The following MYH15 variants were observed in gnomAD, a reference collection of about 807,000 sequenced individuals.
MYH15 encodes the protein myosin-15.
In MYH15, 227 loss-of-function variants were observed where a neutral mutation model predicts 240.5. That is an observed-to-expected ratio of 0.94 (90% CI 0.85 to 1.05). The LOEUF (loss-of-function observed/expected upper bound fraction) is 1.05, where lower values mean the gene tolerates loss of function less well. MYH15 is among the 50% of genes least tolerant of loss of function. MYH15 has a pLI of 0.00. For synonymous variants in MYH15, 785 were observed against 796.7 expected (o/e 0.99, Z 0.25); for missense variants, 2,217 against 2,247.5 (o/e 0.99, Z 0.27).
intron 33 of MYH15, among the ~76,000 whole-genome samples, chr3:108,401,590 A>G (rs915210336): frequency 6.6e-6 from 1 of 152,236 alleles, no homozygotes; most frequent in Admixed American, 6.5e-5. Flanking sequence ...CTACATTGGG[A>G]AACTCTCATT....
At position 108,428,814 on chromosome 3, in the gene MYH15, T is replaced by G. The variant is rs2082750626; in HGVS notation, c.3380A>C (p.Glu1127Ala). 1.9e-6 allele frequency: 3 copies of G among 1,613,964 alleles called. No individual in the cohort carries two copies. The highest frequency in any genetic ancestry group is 1.3e-5 in the African/African-American group (1 of 74,910). ...ERTTRAKMER[E>A]RADLTQDLAD... ...CAGGTCTTGGGTGAGGTCAGCTCTCTCCCTTTCCATCTTGGCTCGAGTGGT... is the reference window on the plus strand; with the variant it reads ...CAGGTCTTGGGTGAGGTCAGCTCTCGCCCTTTCCATCTTGGCTCGAGTGGT... Residue 1127 changes from glutamate (E) to alanine (A), a missense_variant, in exon 27 of 41, where the codon GAG (glutamate) becomes GCG (alanine). Coordinates refer to ENST00000693548, the MANE Select transcript of MYH15 (RefSeq NM_014981.3).
intron 32 of MYH15, among the ~76,000 whole-genome samples, chr3:108,406,210 T>C (rs2082545442): frequency 1.3e-5 from 2 of 152,092 alleles, no homozygotes; most frequent in South Asian, 4.1e-4. Flanking sequence ...CAAAAAACAC[T>C]TACAGAATAC....
At chr3:108,427,635 C>CACACACACAGAG (rs570359637) in intron 27 of MYH15, among the ~76,000 whole-genome samples, 3 of 146,634 alleles carry the variant, frequency 2.0e-5, no homozygotes, top group Non-Finnish European at 4.5e-5. Flanking sequence ...CACACACACA[C>CACACACACAGAG]AGAGAGAGAG....
At position 108,501,813 on chromosome 3, in the gene MYH15, G is replaced by C. The variant is rs1324781823; in HGVS notation, c.238C>G (p.Pro80Ala). 2 of 1,614,060 alleles carry C rather than the reference G, an allele frequency of 1.2e-6. No homozygotes were observed. Among genetic ancestry groups the C allele is most frequent in the Non-Finnish European group, 1.7e-6 (2 of 1,179,954 alleles). Residue 80 changes from proline (P) to alanine (A), a missense_variant, in exon 3 of 41, where the codon CCA (proline) becomes GCA (alanine). Pro to Ala is a conservative substitution (Grantham distance 27). Transcript: ENST00000693548. ...KEDKIQQMNPPEFEMIEDMAM... is the reference protein window; with the variant it reads ...KEDKIQQMNPAEFEMIEDMAM... ...ATGTCTTCAATCATTTCAAACTCTG[G>C]AGGATTCATCTGCTGGATTTTGTCC...
At chr3:108,483,903 G>T (rs1356433885) in intron 11 of MYH15, among the ~76,000 whole-genome samples, 1 of 152,152 alleles carries the variant, frequency 6.6e-6, no homozygotes, top group Non-Finnish European at 1.5e-5. Flanking sequence ...TAAAACAGTG[G>T]TTACCAGGAG....
intron 12 of MYH15, among the ~76,000 whole-genome samples, chr3:108,475,182 C>CT (rs58788351): frequency 1.4e-4 from 22 of 152,148 alleles, no homozygotes; most frequent in Middle Eastern, 6.8e-3. Context: ...TTGTCTATCT[C>CT]TTTTTCAGAG....
chr3:108,384,641 A>G (rs377662017), intron 39 of MYH15, 46 bp downstream of exon 39: 6 of 1,549,464 alleles, frequency 3.9e-6, no homozygotes, highest in East Asian at 2.2e-5. Context: ...CTTAATCAAA[A>G]CAACACTGGG....
At chr3:108,463,971 C>A (rs1483758425) in intron 15 of MYH15, among the ~76,000 whole-genome samples, 2 of 150,834 alleles carry the variant, frequency 1.3e-5, no homozygotes, top group East Asian at 1.9e-4. Flanking sequence ...AAAAAAAAAA[C>A]CAGCAATTGC....
intron 25 of MYH15, among the ~76,000 whole-genome samples, chr3:108,435,695 T>C (rs199810607): frequency 2.2e-5 from 1 of 46,224 alleles, no homozygotes; most frequent in East Asian, 3.3e-4. Context: ...TTTATATACA[T>C]ATATATATAT....
intron 7 of MYH15, among the ~76,000 whole-genome samples, chr3:108,495,125 C>A (rs112102771): frequency 6.6e-6 from 1 of 152,138 alleles, no homozygotes; most frequent in Non-Finnish European, 1.5e-5. Flanking sequence ...TAATTATGCC[C>A]GGAGACTCAA....
the MYH15 span, among the ~76,000 whole-genome samples, chr3:108,534,742 G>A: frequency 0.15 from 22,819 of 150,498 alleles, 2,128 homozygotes; most frequent in Non-Finnish European, 0.22. Context: ...TTAGCTGGGC[G>A]TGGTGGGATG....
intron 37 of MYH15, among the ~76,000 whole-genome samples, chr3:108,390,453 T>C (rs1325220372): frequency 6.6e-6 from 1 of 152,108 alleles, no homozygotes; most frequent in African/African-American, 2.4e-5. Context: ...ACCAGTTTCA[T>C]GTATTTTTTA....
At chr3:108,540,672 C>G in the MYH15 span, among the ~76,000 whole-genome samples, 1 of 151,990 alleles carries the variant, frequency 6.6e-6, no homozygotes, top group African/African-American at 2.4e-5. Context: ...AGTTAAAACA[C>G]GTATATCTTA....
intron 9 of MYH15, among the ~76,000 whole-genome samples, chr3:108,489,248 G>C (rs1426223077): frequency 6.6e-6 from 1 of 152,160 alleles, no homozygotes; most frequent in Non-Finnish European, 1.5e-5. Context: ...TATACTTTAT[G>C]AAGTGAATAC....
intron 27 of MYH15, among the ~76,000 whole-genome samples, chr3:108,427,170 G>A (rs777505528): frequency 2.0e-5 from 3 of 152,214 alleles, no homozygotes; most frequent in Non-Finnish European, 4.4e-5. Flanking sequence ...ACGCTGAAAT[G>A]ACTTAAGTCT....
chr3:108,544,871 T>C, the MYH15 span, among the ~76,000 whole-genome samples: 3 of 152,188 alleles, frequency 2.0e-5, no homozygotes, highest in African/African-American at 4.8e-5. Flanking sequence ...TATTTCTAAA[T>C]AGAAATACTA....
the MYH15 span, among the ~76,000 whole-genome samples, chr3:108,535,701 T>C: frequency 6.6e-6 from 1 of 152,142 alleles, no homozygotes; most frequent in African/African-American, 2.4e-5. Flanking sequence ...ATAGAGTGTT[T>C]TTTGGGGGGT....
intron 9 of MYH15, among the ~76,000 whole-genome samples, chr3:108,491,728 C>G (rs1182523719): frequency 6.6e-6 from 1 of 152,168 alleles, no homozygotes; most frequent in Non-Finnish European, 1.5e-5. Flanking sequence ...GCTCTGCCAA[C>G]TCCCTGAGTT....
chr3:108,437,185 ATTTT>A (rs10714366), intron 25 of MYH15, among the ~76,000 whole-genome samples: 2 of 142,504 alleles, frequency 1.4e-5, no homozygotes, highest in African/African-American at 2.6e-5. Context: ...ATCAGGATCA[ATTTT>A]TTTTTTTTTT....
Sources: gnomAD v4.1 joint callset for allele counts (sites outside exome capture counted in the v4.1 genomes callset) on GRCh38, gnomAD v4.1.1 for gene constraint, MANE v1.5 for transcripts, NCBI Gene and HGNC (gene_info 2026-07-23, HGNC 2026-07-21) for gene names.